Variants in SLC1A6 observed in about 807,000 individuals in gnomAD.
SLC1A6 encodes excitatory amino acid transporter 4.
A neutral mutation model predicts 42.1 loss-of-function variants in SLC1A6; 15 were observed. The observed-to-expected ratio is 0.36, with a 90% CI of 0.24 to 0.55. The LOEUF is 0.55. Ranked by LOEUF, SLC1A6 falls within the 20% of genes least tolerant of loss-of-function variation. The pLI is 0.88. For missense variants in SLC1A6, 542 were observed against 772.5 expected, an observed-to-expected ratio of 0.70 and a Z score of 3.54; for synonymous variants, 317 against 319.7, an observed-to-expected ratio of 0.99 and a Z score of 0.09.
Position 14,979,074 on chromosome 19 carries a change from A to G in SLC1A6, c.-8+235T>C, listed in dbSNP as rs1226486178. On this transcript the variant is annotated intron_variant, in intron 1 of 9. Coordinates refer to ENST00000594383, the MANE Select transcript of SLC1A6 (RefSeq NM_005071.3). The surrounding 1 kb of genome is among the most constrained non-coding windows in gnomAD (Gnocchi z 4.2). ...GTCACACACACACACACACACACAC[A>G]CACACACACACACACACACACACTA... Among the ~76,000 whole-genome samples, 1 of 151,170 alleles carries G rather than the reference A, an allele frequency of 6.6e-6. No homozygotes were observed. The highest frequency in any genetic ancestry group is 2.4e-5 in the African/African-American group (1 of 41,142).
chr19:14,954,077 C>T, intron 8 of SLC1A6, 58 bp downstream of exon 8: 1 of 1,427,976 alleles, frequency 7.0e-7, no homozygotes, highest in South Asian at 1.3e-5. Flanking sequence ...ACCCTCCCAG[C>T]CAAGCTGATG....
At chr19:14,954,759 A>C (rs2045446427) in intron 7 of SLC1A6, among the ~76,000 whole-genome samples, 1 of 152,220 alleles carries the variant, frequency 6.6e-6, no homozygotes, top group African/African-American at 2.4e-5. Flanking sequence ...TACAAAGGAA[A>C]GGAGCAACTC....
intron 1 of SLC1A6, among the ~76,000 whole-genome samples, chr19:15,009,338 G>C (rs1282361829): frequency 7.4e-6 from 1 of 135,256 alleles, no homozygotes; most frequent in Admixed American, 7.1e-5. Context: ...TATCTACATG[G>C]CACATATATA....
rs145925971 is a variant in SLC1A6 at position 14,950,210 on chromosome 19, G to A, written c.1680C>T (p.Asn560=). 104 of 1,575,784 alleles carry A rather than the reference G, an allele frequency of 6.6e-5. 1 individual carries two copies. The highest frequency in any genetic ancestry group is 1.8e-4 in the Middle Eastern group (1 of 5,682). The change falls in exon 10 of 10, where the codon AAC becomes AAT. Residue 560 remains asparagine (N), a synonymous_variant. Transcript: ENST00000594383. ...TGGAGGCCCCTCACATAGCACTCTC[G>A]TTGCCTCCCCGTCCCCGGGATGCCC... ...EKGASRGRGG[N]ESAM is the part of the protein sequence containing the mutation.
intron 1 of SLC1A6, among the ~76,000 whole-genome samples, chr19:14,994,855 A>G (rs1253693644): frequency 1.3e-5 from 2 of 151,154 alleles, no homozygotes; most frequent in Admixed American, 6.6e-5. Flanking sequence ...GTAGTAAAGT[A>G]TAATCACAAT....
At chr19:14,993,408 A>C (rs1468494670) in intron 1 of SLC1A6, among the ~76,000 whole-genome samples, 1 of 152,026 alleles carries the variant, frequency 6.6e-6, no homozygotes, top group Non-Finnish European at 1.5e-5. Context: ...AAGTCACTGA[A>C]CCGTCAACTT....
Position 14,991,621 on chromosome 19 carries a change from C to CCAA in SLC1A6, c.7-18705_7-18704insTTG, listed in dbSNP as rs1491298389. ...TGGGTGACAGAGGGAGACTCTGTGT[C>CCAA]AAAAAAAAAAAAAAAGACAATTTTA... On this transcript the variant is annotated intron_variant, in intron 1 of 8. Coordinates refer to the SLC1A6 transcript ENST00000430939. Among the ~76,000 whole-genome samples the CCAA allele has an allele frequency of 4.4e-5, 6 of 135,534 alleles. 1 individual carries two copies. In the South Asian group the frequency reaches 1.4e-3, roughly 33 times the overall value. 88.9% of individuals were successfully genotyped at this position (135,534 alleles called of 152,430 possible).
upstream of SLC1A6, among the ~76,000 whole-genome samples, chr19:14,983,316 G>A (rs2045776782): frequency 6.6e-6 from 1 of 152,030 alleles, no homozygotes; most frequent in Admixed American, 6.6e-5. Flanking sequence ...GTTTAAAATG[G>A]TCCTGAGCAC....
At chr19:14,966,146 A>G (rs938874225) in intron 4 of SLC1A6, among the ~76,000 whole-genome samples, 1 of 152,206 alleles carries the variant, frequency 6.6e-6, no homozygotes, top group Non-Finnish European at 1.5e-5. Flanking sequence ...TAATTCATCC[A>G]TGTAACAAAG....
chr19:14,963,755 A>G (rs2045541782), intron 5 of SLC1A6, among the ~76,000 whole-genome samples: 1 of 151,998 alleles, frequency 6.6e-6, no homozygotes, highest in Non-Finnish European at 1.5e-5. Flanking sequence ...ATCTGTGGTC[A>G]AAATTTCTGG....
chr19:14,958,038 G>A (rs914900571), intron 6 of SLC1A6, among the ~76,000 whole-genome samples: 4 of 152,162 alleles, frequency 2.6e-5, no homozygotes, highest in Non-Finnish European at 2.9e-5. Flanking sequence ...TCCAGCCCAC[G>A]GGTCAATCGA....
intron 1 of SLC1A6, among the ~76,000 whole-genome samples, chr19:14,975,896 A>AAGGGGGAAGGGAGGGG (rs148123004): frequency 1.2e-5 from 1 of 84,292 alleles, no homozygotes; most frequent in Non-Finnish European, 2.3e-5. Flanking sequence ...GAAGGGAAGG[A>AAGGGGGAAGGGAGGGG]AAGGGAAGGG....
In SLC1A6 at chr19:14,962,115, G is replaced by GAAGA; in HGVS notation, c.818_821dup (p.Ser275LeufsTer28). The GAAGA allele has an allele frequency of 6.2e-7, 1 of 1,614,226 alleles. No homozygotes were observed. Among genetic ancestry groups the GAAGA allele is most frequent in the Non-Finnish European group, 8.5e-7 (1 of 1,180,044 alleles). On this transcript the variant is annotated frameshift_variant, in exon 6 of 10. Transcript: ENST00000594383. LOFTEE classifies it high-confidence loss of function. ...CAATGACCAGCCCAAAGGCCACAGA[G>GAAGA]AAGACCACGAGGCCCAGGGCGTTGA...
At chr19:14,991,217 C>T (rs905966488) in intron 1 of SLC1A6, among the ~76,000 whole-genome samples, 1 of 152,082 alleles carries the variant, frequency 6.6e-6, no homozygotes, top group East Asian at 1.9e-4. Context: ...GGGCTGCAGG[C>T]GGGAGAAATG....
At chr19:14,984,937 A>G (rs2045785970) in intron 1 of SLC1A6, among the ~76,000 whole-genome samples, 1 of 152,182 alleles carries the variant, frequency 6.6e-6, no homozygotes, top group Non-Finnish European at 1.5e-5. Flanking sequence ...GCTGGAGTGC[A>G]GTGGTGTGAT....
Position 14,950,120 on chromosome 19 carries a change from G to T in SLC1A6, c.*75C>A. 1.8e-6 allele frequency: 2 copies of T among 1,131,538 alleles called. No individual in the cohort carries two copies. Among genetic ancestry groups the T allele is most frequent in the Non-Finnish European group, 2.4e-6 (2 of 829,108 alleles). The allele number at this position is 1,131,538 out of a possible 1,614,324, so 70.1% of individuals were successfully genotyped here. A position where few individuals can be genotyped will look rare whatever the true frequency, so the allele number is the denominator to read the frequency against. ...GTGTGTTCAGCCCACGGTCAGTTGG[G>T]CAACAGATGTGTCACCAGGACTCCC... is the stretch of plus-strand genomic sequence containing the variant. On this transcript the variant is annotated 3_prime_UTR_variant, in exon 10 of 10. Transcript: ENST00000594383.
At chr19:14,966,928 G>A (rs189011216) in intron 4 of SLC1A6, among the ~76,000 whole-genome samples, 76 of 152,238 alleles carry the variant, frequency 5.0e-4, no homozygotes, top group African/African-American at 1.8e-3. Context: ...CCTAATGCAT[G>A]CGGGGCTTAA....
At chr19:14,960,954 G>A (rs2045505255) in intron 6 of SLC1A6, among the ~76,000 whole-genome samples, 1 of 144,174 alleles carries the variant, frequency 6.9e-6, no homozygotes, top group Non-Finnish European at 1.5e-5. Context: ...TTGAGACTGG[G>A]TCTCATTCTG....
chr19:14,969,686 C>CCT (rs1366875871), intron 3 of SLC1A6, among the ~76,000 whole-genome samples: 1 of 152,226 alleles, frequency 6.6e-6, no homozygotes, highest in Non-Finnish European at 1.5e-5. Flanking sequence ...GGAAACCCAA[C>CCT]CTAAGAAGCC....
Sources: allele counts gnomAD v4.1 joint callset (sites outside exome capture counted in the v4.1 genomes callset), GRCh38; gene constraint gnomAD v4.1.1; non-coding constraint Gnocchi (gnomAD v3.1); transcripts MANE v1.5; gene names NCBI Gene and HGNC (gene_info 2026-07-23, HGNC 2026-07-21).